The following EPC1 variants were observed in gnomAD, a reference collection of about 807,000 sequenced individuals.
EPC1 encodes the protein enhancer of polycomb homolog 1.
EPC1 carries 12 observed loss-of-function variants against 98.4 expected under a neutral mutation model. The ratio of observed to expected loss-of-function variants is 0.12; its 90% CI spans 0.08 to 0.20. The LOEUF (loss-of-function observed/expected upper bound fraction) is 0.20. Ranked by LOEUF, EPC1 falls within the 10% of genes least tolerant of loss-of-function variation. The probability of loss-of-function intolerance (pLI) is 1.00; values close to 1 mark genes in which losing one functional copy is unlikely to be tolerated. For synonymous variants in EPC1, 357 were observed against 363.9 expected, an observed-to-expected ratio of 0.98 and a Z score of 0.21; for missense variants, 729 against 990.5, an observed-to-expected ratio of 0.74 and a Z score of 3.54.
upstream of EPC1, among the ~76,000 whole-genome samples, chr10:32,348,145 T>G (rs1012335801): frequency 6.6e-6 from 1 of 152,206 alleles, no homozygotes; most frequent in Non-Finnish European, 1.5e-5. Flanking sequence ...CATTGAATCA[T>G]ATAAAGACCT....
chr10:32,274,700 T>G (rs566760915), intron 10 of EPC1, among the ~76,000 whole-genome samples: 1 of 152,270 alleles, frequency 6.6e-6, no homozygotes, highest in African/African-American at 2.4e-5. Flanking sequence ...TGTTCGTAAT[T>G]CACAAATCTG....
intron 1 of EPC1, among the ~76,000 whole-genome samples, chr10:32,365,755 G>T (rs1360855472): frequency 1.4e-5 from 2 of 141,018 alleles, no homozygotes; most frequent in South Asian, 2.3e-4. Flanking sequence ...GGAGGCAGAG[G>T]TTGCACTGAG....
At chr10:32,341,162 A>T (rs1393007221) in intron 1 of EPC1, among the ~76,000 whole-genome samples, 1 of 152,180 alleles carries the variant, frequency 6.6e-6, no homozygotes, top group African/African-American at 2.4e-5. Flanking sequence ...GCTCCCTTAA[A>T]ATGCTATCTT....
At chr10:32,270,751 G>A (rs890361273) in intron 13 of EPC1, among the ~76,000 whole-genome samples, 1 of 148,738 alleles carries the variant, frequency 6.7e-6, no homozygotes, top group Non-Finnish European at 1.5e-5. Flanking sequence ...GAACCTGGGA[G>A]GCAGAGATTG....
intron 2 of EPC1, among the ~76,000 whole-genome samples, chr10:32,303,827 G>T (rs1835718746): frequency 1.3e-5 from 2 of 152,198 alleles, no homozygotes; most frequent in Non-Finnish European, 2.9e-5. Context: ...ACTCTAGATT[G>T]TACCAATTTC....
chr10:32,269,520 A>C, intron 13 of EPC1: 1 of 191,268 alleles, frequency 5.2e-6, no homozygotes, highest in South Asian at 9.6e-5. Context: ...AGTCTAATAC[A>C]TGGAGCTGAG....
At chr10:32,375,672 G>T (rs1839856352) in intron 1 of EPC1, among the ~76,000 whole-genome samples, 1 of 152,058 alleles carries the variant, frequency 6.6e-6, no homozygotes, top group South Asian at 2.1e-4. Context: ...AGAGGGATGG[G>T]CAGGATGAGA....
At chr10:32,282,350 G>A (rs1470258724) in intron 10 of EPC1, 4 of 152,228 alleles carry the variant, frequency 2.6e-5, no homozygotes, top group Admixed American at 6.6e-5. Context: ...GGGCAACATA[G>A]ACCCTATCTC....
At chr10:32,333,424 GA>G (rs972265413) in intron 1 of EPC1, among the ~76,000 whole-genome samples, 3 of 152,196 alleles carry the variant, frequency 2.0e-5, no homozygotes, top group African/African-American at 7.2e-5. Flanking sequence ...GTTTCAACTA[GA>G]AAGTGCTGCC....
At chr10:32,274,894 A>C (rs1307374958) in intron 10 of EPC1, among the ~76,000 whole-genome samples, 1 of 152,238 alleles carries the variant, frequency 6.6e-6, no homozygotes, top group African/African-American at 2.4e-5. Flanking sequence ...GTTTAAAAAA[A>C]ATCCACGAAA....
At chr10:32,341,871 C>A (rs1838379250) in intron 1 of EPC1, among the ~76,000 whole-genome samples, 1 of 152,170 alleles carries the variant, frequency 6.6e-6, no homozygotes, top group African/African-American at 2.4e-5. Flanking sequence ...GCTTTCTGCC[C>A]CAGCCCATTA....
At chr10:32,300,257 T>A (rs970759767) in intron 2 of EPC1, among the ~76,000 whole-genome samples, 3 of 151,710 alleles carry the variant, frequency 2.0e-5, no homozygotes, top group African/African-American at 4.8e-5. Flanking sequence ...AATTTTTTTT[T>A]ATTATACTTT....
At chr10:32,337,782 T>C (rs1249246384) in intron 1 of EPC1, among the ~76,000 whole-genome samples, 2 of 152,218 alleles carry the variant, frequency 1.3e-5, no homozygotes, top group African/African-American at 4.8e-5. Flanking sequence ...CTATGTCCCC[T>C]TTTTCATCTT....
At chr10:32,363,485 T>C (rs1307902362) in intron 1 of EPC1, among the ~76,000 whole-genome samples, 1 of 152,190 alleles carries the variant, frequency 6.6e-6, no homozygotes, top group Non-Finnish European at 1.5e-5. Context: ...CATTTTAACA[T>C]AAATGCTAAG....
At position 32,347,126 on chromosome 10, in the gene EPC1, T is replaced by C. The variant is rs1408761179; in HGVS notation, c.-211A>G. 5.6e-6 allele frequency: 8 copies of C among 1,428,458 alleles called. No individual in the cohort carries two copies. The highest frequency in any genetic ancestry group is 1.5e-5 in the South Asian group (1 of 67,396). The allele number at this position is 1,428,458 out of a possible 1,614,324, so 88.5% of individuals were successfully genotyped here. On this transcript the variant is annotated 5_prime_UTR_variant, in exon 1 of 14. The change abolishes an upstream ATG in the 5' untranslated region. Transcript: ENST00000319778. Reference sequence around the variant, plus strand: ...CTCGCTCGCTCTCTTCAATACGCCATGGCCAACATGGCGGACATTAAAACT... The same window carrying C: ...CTCGCTCGCTCTCTTCAATACGCCACGGCCAACATGGCGGACATTAAAACT...
At chr10:32,364,629 T>G (rs967874517) in intron 1 of EPC1, among the ~76,000 whole-genome samples, 1 of 152,170 alleles carries the variant, frequency 6.6e-6, no homozygotes, top group Non-Finnish European at 1.5e-5. Context: ...TCAAATTTTA[T>G]TATTGTTTTT....
intron 1 of EPC1, among the ~76,000 whole-genome samples, chr10:32,312,521 T>C (rs1487673493): frequency 6.6e-6 from 1 of 152,198 alleles, no homozygotes; most frequent in Non-Finnish European, 1.5e-5. Context: ...TATTTTTTCA[T>C]AGCATGTACC....
intron 6 of EPC1, among the ~76,000 whole-genome samples, chr10:32,288,434 C>T (rs1421561201): frequency 6.6e-6 from 1 of 151,570 alleles, no homozygotes; most frequent in Admixed American, 6.6e-5. Flanking sequence ...CCTGCCTCAG[C>T]CTCCCAAGTA....
At chr10:32,370,459 T>C (rs2505366) in intron 1 of EPC1, among the ~76,000 whole-genome samples, 80,064 of 152,148 alleles carry the variant, frequency 0.53, 23,353 homozygotes, top group East Asian at 0.69. Context: ...GGACAACTTT[T>C]GGGAAATATT....
Sources: gnomAD v4.1 joint callset for allele counts (sites outside exome capture counted in the v4.1 genomes callset) on GRCh38, gnomAD v4.1.1 for gene constraint, MANE v1.5 for transcripts, NCBI Gene and HGNC (gene_info 2026-07-23, HGNC 2026-07-21) for gene names.